Variants in METTL15 observed in about 807,000 individuals in gnomAD.
METTL15 encodes 12S rRNA N(4)-cytidine methyltransferase METTL15.
METTL15 carries 34 observed loss-of-function variants against 38.3 expected under a neutral mutation model. That is an observed-to-expected ratio of 0.89 (90% CI 0.68 to 1.18). The LOEUF is 1.18. METTL15 is among the 50% of genes most tolerant of loss of function. The pLI is 0.00. For synonymous variants in METTL15, 162 were observed against 170.9 expected, an observed-to-expected ratio of 0.95 and a Z score of 0.41; for missense variants, 438 against 498.4, an observed-to-expected ratio of 0.88 and a Z score of 1.15.
intron 3 of METTL15, among the ~76,000 whole-genome samples, chr11:28,346,122 AT>A (rs1849993696): frequency 6.6e-6 from 1 of 152,192 alleles, no homozygotes; most frequent in Non-Finnish European, 1.5e-5. Flanking sequence ...CATTTTTGGA[AT>A]AACAATTTTC....
intron 3 of METTL15, among the ~76,000 whole-genome samples, chr11:28,185,294 A>AT (rs1168707140): frequency 2.0e-5 from 3 of 150,926 alleles, no homozygotes; most frequent in Non-Finnish European, 3.0e-5. Context: ...TAGAGTACAG[A>AT]TTTTTTTTTA....
chr11:28,339,935 C>A (rs1358541367), intron 3 of METTL15, among the ~76,000 whole-genome samples: 2 of 151,994 alleles, frequency 1.3e-5, no homozygotes, highest in African/African-American at 4.8e-5. Flanking sequence ...GAGAAGTTGT[C>A]TGGTAAAAAG....
chr11:28,191,577 C>T (rs1378536657), intron 3 of METTL15, among the ~76,000 whole-genome samples: 30 of 151,252 alleles, frequency 2.0e-4, no homozygotes, highest in Admixed American at 2.0e-3. Context: ...GGATATAAAT[C>T]TGTTGTATAT....
At chr11:28,394,002 G>A (rs1396161976) in intron 5 of METTL15, among the ~76,000 whole-genome samples, 1 of 151,984 alleles carries the variant, frequency 6.6e-6, no homozygotes, top group East Asian at 1.9e-4. Context: ...TTGTGTATGT[G>A]TAGTTTTAAA....
At chr11:28,407,079 G>A (rs763752847) in intron 5 of METTL15, among the ~76,000 whole-genome samples, 1 of 151,978 alleles carries the variant, frequency 6.6e-6, no homozygotes, top group Non-Finnish European at 1.5e-5. Context: ...TTCTGGATTC[G>A]GTTTGCCAGT....
At chr11:28,383,392 A>G (rs967018083) in intron 5 of METTL15, among the ~76,000 whole-genome samples, 5 of 152,198 alleles carry the variant, frequency 3.3e-5, no homozygotes, top group Admixed American at 1.3e-4. Context: ...TTGATTCTAC[A>G]TCTTTGGTAT....
rs528544953 is a variant in METTL15 at position 28,128,384 on chromosome 11, G to A, written c.270+14780G>A. On this transcript the variant is annotated intron_variant, in intron 3 of 6. Coordinates refer to ENST00000407364, the MANE Select transcript of METTL15 (RefSeq NM_001113528.2). ...TTTAGCTTTAATCAATATAATGCTA[G>A]AAATTGAAAATAGTTTGTATGAGAA... Among the ~76,000 whole-genome samples, 3 of 152,114 alleles carry A rather than the reference G, an allele frequency of 2.0e-5. No homozygotes were observed. In the East Asian group the frequency reaches 5.8e-4, roughly 29 times the overall value.
At position 28,170,322 on chromosome 11, in the gene METTL15, C is replaced by T. The variant is rs533268244; in HGVS notation, c.271-40740C>T. 1.1e-4 allele frequency among the ~76,000 whole-genome samples: 16 copies of T among 152,146 alleles called. No homozygotes were observed. The East Asian group carries it at 1.7e-3, about 17-fold the overall frequency. On this transcript the variant is annotated intron_variant, in intron 3 of 6. Transcript: ENST00000407364. ...TTTCTCCAGATAATGAATTTCTTGTCTCTTAGGAAGCATGAGGAGAGGAAG... is the reference window on the plus strand; with the variant it reads ...TTTCTCCAGATAATGAATTTCTTGTTTCTTAGGAAGCATGAGGAGAGGAAG...
At chr11:28,252,568 T>A (rs1313370883) in intron 4 of METTL15, among the ~76,000 whole-genome samples, 1 of 152,194 alleles carries the variant, frequency 6.6e-6, no homozygotes, top group African/African-American at 2.4e-5. Context: ...ATCTCTTTTT[T>A]AAAGAAAATT....
Position 28,323,094 on chromosome 11 carries a change from G to A in METTL15, c.779-7302G>A, listed in dbSNP as rs183637864. Among the ~76,000 whole-genome samples the A allele has an allele frequency of 5.9e-5, 9 of 152,234 alleles. No homozygotes were observed. In the East Asian group the frequency reaches 1.5e-3, roughly 26 times the overall value. ...TCATACATGTGTATGAAGAAAAAAG[G>A]AAGTATACCTCTTGGTTGCCTCTTG... On this transcript the variant is annotated intron_variant, in intron 6 of 6. Coordinates refer to ENST00000407364, the MANE Select transcript of METTL15 (RefSeq NM_001113528.2).
intron 6 of METTL15, among the ~76,000 whole-genome samples, chr11:28,314,399 C>T (rs1179072992): frequency 1.3e-5 from 2 of 152,186 alleles, no homozygotes; most frequent in Non-Finnish European, 2.9e-5. Flanking sequence ...TGTTAATCAT[C>T]TGTGTGTTAC....
chr11:28,195,659 T>A (rs1248953561), intron 3 of METTL15, among the ~76,000 whole-genome samples: 1 of 152,150 alleles, frequency 6.6e-6, no homozygotes, highest in Admixed American at 6.6e-5. Flanking sequence ...TTCTCTAGGT[T>A]GTCTGTTTAC....
chr11:28,501,550 A>G (rs1053401378), intron 6 of METTL15, among the ~76,000 whole-genome samples: 1 of 152,176 alleles, frequency 6.6e-6, no homozygotes, highest in African/African-American at 2.4e-5. Flanking sequence ...GATGACTGCA[A>G]GGAGGTTACA....
chr11:28,210,985 T>C, intron 3 of METTL15, 77 bp from the exon 4 acceptor site: 1 of 1,414,304 alleles, frequency 7.1e-7, no homozygotes, highest in Non-Finnish European at 9.6e-7. Flanking sequence ...CATTGTGTGC[T>C]TCTAGAAATT....
At chr11:28,430,548 T>TG (rs1317115273) in intron 6 of METTL15, among the ~76,000 whole-genome samples, 2 of 16,112 alleles carry the variant, frequency 1.2e-4, no homozygotes, top group African/African-American at 4.9e-4. Context: ...GGGAGGGAGG[T>TG]GGGGGGGTCA....
intron 5 of METTL15, among the ~76,000 whole-genome samples, chr11:28,379,942 G>C (rs1432795755): frequency 1.3e-5 from 2 of 151,962 alleles, no homozygotes; most frequent in African/African-American, 2.4e-5. Context: ...TGCAGAATTG[G>C]CTTTTTCATT....
At chr11:28,485,487 C>G (rs573582364) in intron 6 of METTL15, among the ~76,000 whole-genome samples, 1 of 151,794 alleles carries the variant, frequency 6.6e-6, no homozygotes, top group Non-Finnish European at 1.5e-5. Flanking sequence ...ACACTAGTTA[C>G]CAGGATGAGT....
At chr11:28,288,906 T>C (rs1856397689) in intron 4 of METTL15, among the ~76,000 whole-genome samples, 1 of 152,084 alleles carries the variant, frequency 6.6e-6, no homozygotes, top group South Asian at 2.1e-4. Flanking sequence ...TATTCACAAC[T>C]TAGAATTGGA....
rs374194003 is a variant in METTL15 at position 28,126,241 on chromosome 11, A to G, written c.270+12637A>G. ...CACCCTGTCTGAAATTTCAACTACC[A>G]TCTTCAAATGTTTGGTATCCTCCTT... On this transcript the variant is annotated intron_variant, in intron 3 of 6. Coordinates refer to ENST00000407364, the MANE Select transcript of METTL15 (RefSeq NM_001113528.2). Among the ~76,000 whole-genome samples the G allele has an allele frequency of 7.9e-5, 12 of 152,072 alleles. No individual in the cohort carries two copies. In the East Asian group the frequency reaches 2.3e-3, roughly 29 times the overall value.
Sources: allele counts gnomAD v4.1 joint callset (sites outside exome capture counted in the v4.1 genomes callset), GRCh38; gene constraint gnomAD v4.1.1; transcripts MANE v1.5; gene names NCBI Gene and HGNC (gene_info 2026-07-23, HGNC 2026-07-21).